Variants in ATP8B2 observed in about 807,000 individuals in gnomAD.
ATP8B2 encodes the protein phospholipid-transporting ATPase ID.
A neutral mutation model predicts 133.4 loss-of-function variants in ATP8B2; 70 were observed. That is an observed-to-expected ratio of 0.52 (90% CI 0.43 to 0.64). The LOEUF is 0.64. Ranked by LOEUF, ATP8B2 falls within the 30% of genes least tolerant of loss-of-function variation. The pLI is 0.00. For synonymous variants in ATP8B2, 517 were observed against 589.5 expected (o/e 0.88, Z 1.78); for missense variants, 1,101 against 1,535.7 (o/e 0.72, Z 4.73).
chr1:154,343,206 A>G lies in ATP8B2; in HGVS notation c.1547A>G (p.Lys516Arg), dbSNP rs755391988. 5 of 1,613,980 alleles carry G rather than the reference A, an allele frequency of 3.1e-6. No homozygotes were observed. The highest frequency in any genetic ancestry group is 4.2e-6 in the Non-Finnish European group (5 of 1,180,036). ...FGFVFRSRTPKTITVHEMGTA... is the reference protein window; with the variant it reads ...FGFVFRSRTPRTITVHEMGTA... ...TTTGTTTTCCGCTCTCGCACCCCCA[A>G]AACAATCACCGTCCATGAGATGGGC... Residue 516 changes from lysine (K) to arginine (R), a missense_variant, in exon 16 of 28, where the codon AAA becomes AGA. By Grantham distance (26) the Lys-to-Arg change is conservative (BLOSUM62 2). Transcript: ENST00000368489. The surrounding 1 kb of genome is among the most constrained non-coding windows in gnomAD (Gnocchi z 5.8).
chr1:154,341,598 G>T (rs1303417435), intron 13 of ATP8B2: 1 of 162,650 alleles, frequency 6.1e-6, no homozygotes, highest in Admixed American at 5.8e-5. Flanking sequence ...TTCGAGACCA[G>T]CTTGGCCAAC....
At chr1:154,339,701 A>G (rs542305998) in intron 12 of ATP8B2, among the ~76,000 whole-genome samples, 1 of 152,210 alleles carries the variant, frequency 6.6e-6, no homozygotes, top group South Asian at 2.1e-4. Context: ...GGCCCTTTGG[A>G]ATGTGAAGAC....
chr1:154,337,571 T>C (rs1480587121), intron 12 of ATP8B2, 27 bp downstream of exon 12: 1 of 1,614,200 alleles, frequency 6.2e-7, no homozygotes, highest in East Asian at 2.2e-5. Flanking sequence ...ACCTGGGGTC[T>C]CTCCAGGGAG....
At position 154,340,750 on chromosome 1, in the gene ATP8B2, C is replaced by G. The variant is rs955915375; in HGVS notation, c.1035-104C>G. ...GGTTTCTGTGCCCAGGTGTCTTCTC[C>G]GTTCTTGTCTCTCCCCAGGCGGAGG... On this transcript the variant is annotated intron_variant, in intron 12 of 27. Coordinates refer to ENST00000368489, the MANE Select transcript of ATP8B2 (RefSeq NM_001370597.1). The surrounding 1 kb of genome is among the most constrained non-coding windows in gnomAD (Gnocchi z 4.0). 9.1e-7 allele frequency: 1 copy of G among 1,098,464 alleles called. No homozygotes were observed. Among genetic ancestry groups the G allele is most frequent in the African/African-American group, 1.6e-5 (1 of 64,334 alleles). 68.0% of individuals were successfully genotyped at this position (1,098,464 alleles called of 1,614,324 possible). A position where few individuals can be genotyped will look rare whatever the true frequency, so the allele number is the denominator to read the frequency against.
chr1:154,337,303 G>T, intron 11 of ATP8B2, 45 bp from the exon 12 acceptor site: 1 of 1,574,966 alleles, frequency 6.3e-7, no homozygotes, highest in Non-Finnish European at 8.6e-7. Flanking sequence ...GGTTTTGAGG[G>T]CTTCCTACAT....
rs1685881695 is a variant in ATP8B2, at chr1:154,328,796, C to G, written c.31+624C>G. The G allele has an allele frequency of 9.9e-7, 1 of 1,014,736 alleles. No homozygotes were observed. The highest frequency in any genetic ancestry group is 1.2e-6 in the Non-Finnish European group (1 of 850,636). 62.9% of individuals were successfully genotyped at this position (1,014,736 alleles called of 1,614,324 possible). On this transcript the variant is annotated intron_variant, in intron 2 of 27. Coordinates refer to ENST00000368489, the MANE Select transcript of ATP8B2 (RefSeq NM_001370597.1). The surrounding 1 kb of genome is among the most constrained non-coding windows in gnomAD (Gnocchi z 4.6). ...ATGGGGGGCGGCGGCGGCGGCGCAG[C>G]TGAGCTCGCGGTGTCCCCGAGCGCC...
chr1:154,330,709 T>C, intron 3 of ATP8B2, 106 bp from the exon 4 acceptor site: 1 of 988,284 alleles, frequency 1.0e-6, no homozygotes, highest in South Asian at 1.5e-5. Flanking sequence ...GTTTGCTAGC[T>C]TTTGGGGTAG....
chr1:154,344,747 G>T lies in ATP8B2; in HGVS notation c.2248G>T (p.Ala750Ser). The T allele has an allele frequency of 6.2e-7, 1 of 1,609,182 alleles. No individual in the cohort carries two copies. Among genetic ancestry groups the T allele is most frequent in the Non-Finnish European group, 8.5e-7 (1 of 1,175,880 alleles). Residue 750 changes from alanine to serine, a missense_variant, in exon 21 of 28, where the codon GCT becomes TCT. Ala to Ser is a moderately conservative substitution (Grantham distance 99). Transcript: ENST00000368489. The surrounding 1 kb of genome is among the most constrained non-coding windows in gnomAD (Gnocchi z 4.1). ...SKLTSVLEAV[A>S]GEYALVINGH... ...GCTAACTTCTGTCCTGGAGGCCGTTGCTGGGGAGTACGCCCTGGTCATAAA... is the reference window on the plus strand; with the variant it reads ...GCTAACTTCTGTCCTGGAGGCCGTTTCTGGGGAGTACGCCCTGGTCATAAA...
chr1:154,330,629 C>A, intron 3 of ATP8B2, 175 bp downstream of exon 3: 1 of 758,898 alleles, frequency 1.3e-6, no homozygotes, highest in South Asian at 1.8e-5. Context: ...CTTCACCTGT[C>A]AGTGAAGCAG....
Position 154,334,075 on chromosome 1 carries a change from C to G in ATP8B2, c.590-32C>G, listed in dbSNP as rs758457129. 4 of 1,611,774 alleles carry G rather than the reference C, an allele frequency of 2.5e-6. No individual in the cohort carries two copies. Among genetic ancestry groups the G allele is most frequent in the Admixed American group, 1.7e-5 (1 of 59,978 alleles). ...CTTGTGGTTAGGCTGTAGACTGGACCTTAAGCAGTGGAATTCTTGTCTCCT... is the reference window on the plus strand; with the variant it reads ...CTTGTGGTTAGGCTGTAGACTGGACGTTAAGCAGTGGAATTCTTGTCTCCT... On this transcript the variant is annotated intron_variant, in intron 9 of 27. Coordinates refer to ENST00000368489, the MANE Select transcript of ATP8B2 (RefSeq NM_001370597.1). The surrounding 1 kb of genome is among the most constrained non-coding windows in gnomAD (Gnocchi z 4.6).
Position 154,349,952 on chromosome 1 carries a change from T to C in ATP8B2, c.*834T>C, listed in dbSNP as rs1424538597. On this transcript the variant is annotated 3_prime_UTR_variant, in exon 28 of 28. Transcript: ENST00000368489. ...CACACATATCAATTCCTGGATTCCT[T>C]AGTCCTGCTGGCCTTGGGCTGGAGC... The C allele has an allele frequency of 6.6e-6, 1 of 152,534 alleles. No individual in the cohort carries two copies. Among genetic ancestry groups the C allele is most frequent in the East Asian group, 1.9e-4 (1 of 5,202 alleles). 9.4% of individuals were successfully genotyped at this position (152,534 alleles called of 1,614,324 possible).
chr1:154,335,549 A>C (rs1293050532), intron 11 of ATP8B2, among the ~76,000 whole-genome samples: 1 of 151,922 alleles, frequency 6.6e-6, no homozygotes, highest in Non-Finnish European at 1.5e-5. Flanking sequence ...AAAATTAGCC[A>C]GGTTTGGTGG....
chr1:154,332,794 G>A, intron 9 of ATP8B2, 97 bp downstream of exon 9: 1 of 961,104 alleles, frequency 1.0e-6, no homozygotes, highest in East Asian at 2.6e-5. Context: ...GCTTTTTGTT[G>A]TTATTATGCA....
intron 1 of ATP8B2, chr1:154,327,764 C>G: frequency 6.3e-7 from 1 of 1,596,630 alleles, no homozygotes; most frequent in Non-Finnish European, 8.6e-7. Flanking sequence ...CTACTCATTG[C>G]CGCCAGAACA....
Position 154,327,939 on chromosome 1 carries a change from T to A in ATP8B2, c.-37-166T>A. The A allele has an allele frequency of 2.6e-6, 4 of 1,548,506 alleles. No homozygotes were observed. In the South Asian group the frequency reaches 3.3e-5, roughly 13 times the overall value. On this transcript the variant is annotated intron_variant, in intron 1 of 27. Coordinates refer to ENST00000368489, the MANE Select transcript of ATP8B2 (RefSeq NM_001370597.1). The stretch of plus-strand genomic sequence containing the variant: ...GATGGGAGGTGGTGGGGAAGTCCCC[T>A]CTTTCCCAGGAACCCATCATGGCAG...
rs1686765570 is a variant in ATP8B2, at chr1:154,350,894, G to A, written c.*1776G>A. The A allele has an allele frequency of 6.6e-6, 1 of 151,292 alleles. No individual in the cohort carries two copies. The highest frequency in any genetic ancestry group is 1.9e-4 in the East Asian group (1 of 5,166). The allele number at this position is 151,292 out of a possible 1,614,324, so 9.4% of individuals were successfully genotyped here. On this transcript the variant is annotated 3_prime_UTR_variant, in exon 28 of 28. Coordinates refer to ENST00000368489, the MANE Select transcript of ATP8B2 (RefSeq NM_001370597.1). ...TAGGGGGATTTTAAATGTTCCATAT[G>A]GGAGCCCCAAAGGAACTGGATGGGC...
Position 154,330,428 on chromosome 1 carries a change from G to A in ATP8B2, c.64G>A (p.Glu22Lys), listed in dbSNP as rs1429991855. Residue 22 changes from glutamate to lysine, a missense_variant, in exon 3 of 28, where the codon GAA (glutamate) becomes AAA (lysine). By Grantham distance (56) the Glu-to-Lys change is moderately conservative (BLOSUM62 1). Coordinates refer to ENST00000368489, the MANE Select transcript of ATP8B2 (RefSeq NM_001370597.1). The stretch of plus-strand genomic sequence containing the variant: ...AAGGAGGGCGCGGGCTAATGACCGA[G>A]AATACAATGAGAAATTCCAGTATGC... ...EERRARANDREYNEKFQYASN... is the reference protein window; with the variant it reads ...EERRARANDRKYNEKFQYASN... 3 of 1,589,096 alleles carry A rather than the reference G, an allele frequency of 1.9e-6. No individual in the cohort carries two copies. The highest frequency in any genetic ancestry group is 2.3e-5 in the East Asian group (1 of 43,564).
At position 154,344,982 on chromosome 1, in the gene ATP8B2, G is replaced by A. The variant is rs201931740; in HGVS notation, c.2298G>A (p.Leu766=). The change falls in exon 22 of 28, where the codon CTG becomes CTA. Residue 766 remains leucine (L), a synonymous_variant. Transcript: ENST00000368489. The surrounding 1 kb of genome is among the most constrained non-coding windows in gnomAD (Gnocchi z 4.1). ...VINGHSLAHA[L]EADMELEFLE... is the part of the protein sequence containing the mutation. ...TCTCTGTGCTCCAGGCCCACGCACT[G>A]GAGGCAGACATGGAGCTGGAGTTTC... is the stretch of plus-strand genomic sequence containing the variant. 6.2e-7 allele frequency: 1 copy of A among 1,613,148 alleles called. No individual in the cohort carries two copies. Among genetic ancestry groups the A allele is most frequent in the Non-Finnish European group, 8.5e-7 (1 of 1,179,450 alleles).
Position 154,344,012 on chromosome 1 carries a change from G to C in ATP8B2, c.1878G>C (p.Glu626Asp), listed in dbSNP as rs376417419. ...CCAGCCTGGCCCAGGACAGCCGGGAGGACAGGCTGGCTAGCATCTATGAGG... is the reference window on the plus strand; with the variant it reads ...CCAGCCTGGCCCAGGACAGCCGGGACGACAGGCTGGCTAGCATCTATGAGG... ...LQASLAQDSR[E>D]DRLASIYEEV... is the part of the protein sequence containing the mutation. Residue 626 changes from glutamate to aspartate, a missense_variant, in exon 18 of 28, where the codon GAG (glutamate) becomes GAC (aspartate). Coordinates refer to ENST00000368489, the MANE Select transcript of ATP8B2 (RefSeq NM_001370597.1). The surrounding 1 kb of genome is among the most constrained non-coding windows in gnomAD (Gnocchi z 4.1). 6.2e-6 allele frequency: 10 copies of C among 1,614,060 alleles called. No individual in the cohort carries two copies. The Middle Eastern group carries it at 4.9e-4, about 80-fold the overall frequency.
Sources: gnomAD v4.1 joint callset for allele counts (sites outside exome capture counted in the v4.1 genomes callset) on GRCh38, gnomAD v4.1.1 for gene constraint, Gnocchi (gnomAD v3.1) non-coding constraint, MANE v1.5 for transcripts, NCBI Gene and HGNC (gene_info 2026-07-23, HGNC 2026-07-21) for gene names.